TIAM1: variants seen among roughly 807,000 people sequenced by gnomAD.
TIAM1 encodes TIAM Rac1 associated GEF 1, also known as rho guanine nucleotide exchange factor TIAM1.
Under a neutral mutation model 163.5 loss-of-function variants are expected in TIAM1, and 65 were observed. That is an observed-to-expected ratio of 0.40 (90% CI 0.33 to 0.49). The LOEUF is 0.49. TIAM1 is among the 20% of genes least tolerant of loss of function. The pLI is 0.77. For synonymous variants in TIAM1, 833 were observed against 810.1 expected (o/e 1.03, Z -0.48); for missense variants, 1,789 against 2,044.7 (o/e 0.87, Z 2.41).
intron 12 of TIAM1, among the ~76,000 whole-genome samples, chr21:31,198,410 G>A (rs76695967): frequency 0.028 from 4,236 of 152,232 alleles, 220 homozygotes; most frequent in African/African-American, 0.097. Flanking sequence ...CAAATGCAAC[G>A]TGTCAAGGGC....
chr21:31,275,061 G>A (rs2073235924), intron 3 of TIAM1, among the ~76,000 whole-genome samples: 1 of 151,544 alleles, frequency 6.6e-6, no homozygotes, highest in Non-Finnish European at 1.5e-5. Context: ...GGCGGAGACT[G>A]CAGTGAGCCG....
At chr21:31,267,030 C>A in intron 3 of TIAM1, 47 bp from the exon 4 acceptor site, 1 of 1,522,576 alleles carries the variant, frequency 6.6e-7, no homozygotes, top group Non-Finnish European at 8.8e-7. Context: ...ACTATTAGTA[C>A]AGGTATAGGC....
chr21:31,418,332 ACT>A (rs2043445603), intron 2 of TIAM1, among the ~76,000 whole-genome samples: 1 of 120,294 alleles, frequency 8.3e-6, no homozygotes. Context: ...ACAGAGCGAG[ACT>A]CTGTCTCAAA....
chr21:31,531,227 C>A (rs572059263), intron 1 of TIAM1, among the ~76,000 whole-genome samples: 2 of 152,150 alleles, frequency 1.3e-5, no homozygotes, highest in African/African-American at 2.4e-5. Context: ...CCACTGAGCC[C>A]GTGGGTACTC....
At chr21:31,538,441 G>A (rs1157769713) in intron 1 of TIAM1, among the ~76,000 whole-genome samples, 1 of 152,150 alleles carries the variant, frequency 6.6e-6, no homozygotes, top group African/African-American at 2.4e-5. Context: ...TACTCAGGAG[G>A]CTGAGATGGG....
chr21:31,122,495 G>A (rs1021807343), intron 27 of TIAM1, among the ~76,000 whole-genome samples: 6 of 152,148 alleles, frequency 3.9e-5, no homozygotes, highest in African/African-American at 1.2e-4. Context: ...AAAATAAGAT[G>A]AGGTGATGGA....
chr21:31,137,666 C>T (rs539169731), intron 22 of TIAM1, among the ~76,000 whole-genome samples: 108 of 151,902 alleles, frequency 7.1e-4, no homozygotes, highest in African/African-American at 2.5e-3. Context: ...GCACCTCCCA[C>T]TAGACTAGGC....
intron 9 of TIAM1, 81 bp from the exon 10 acceptor site, chr21:31,213,553 C>A (rs2087001066): frequency 6.6e-6 from 8 of 1,216,908 alleles, no homozygotes; most frequent in African/African-American, 1.5e-5. Context: ...AGGAAATGGG[C>A]ATGGCTATGA....
At chr21:31,533,470 G>A (rs1443951453) in intron 1 of TIAM1, among the ~76,000 whole-genome samples, 1 of 152,072 alleles carries the variant, frequency 6.6e-6, no homozygotes, top group African/African-American at 2.4e-5. Context: ...AATTATTCAC[G>A]TGGCTGGGTG....
At chr21:31,487,849 G>A (rs557687798) in intron 1 of TIAM1, among the ~76,000 whole-genome samples, 2 of 152,080 alleles carry the variant, frequency 1.3e-5, no homozygotes, top group East Asian at 1.9e-4. Flanking sequence ...GAGCCACCGC[G>A]CCCGGCCTTT....
At chr21:31,320,082 A>T (rs1391072949) in intron 2 of TIAM1, among the ~76,000 whole-genome samples, 1 of 152,230 alleles carries the variant, frequency 6.6e-6, no homozygotes, top group African/African-American at 2.4e-5. Context: ...AAACATATGT[A>T]TATATACACC....
chr21:31,410,086 A>AGTGT (rs201591169), intron 2 of TIAM1, among the ~76,000 whole-genome samples: 14 of 138,718 alleles, frequency 1.0e-4, no homozygotes, highest in Admixed American at 5.7e-4. Context: ...AGGGCGTAGC[A>AGTGT]GTGTGTGTGT....
At chr21:31,419,100 TG>T (rs2043475957) in intron 2 of TIAM1, among the ~76,000 whole-genome samples, 1 of 152,160 alleles carries the variant, frequency 6.6e-6, no homozygotes, top group Non-Finnish European at 1.5e-5. Context: ...CCTGAGACCC[TG>T]GTAACTAAAC....
chr21:31,363,462 AG>A (rs2076442257), intron 2 of TIAM1, among the ~76,000 whole-genome samples: 2 of 151,740 alleles, frequency 1.3e-5, no homozygotes, highest in Admixed American at 1.3e-4. Flanking sequence ...GTTGTTTTGC[AG>A]GGGTAAGAAG....
chr21:31,152,308 C>A (rs1427380570), intron 19 of TIAM1, among the ~76,000 whole-genome samples: 1 of 152,210 alleles, frequency 6.6e-6, no homozygotes, highest in African/African-American at 2.4e-5. Context: ...GCTGGGATTA[C>A]AGGCGTGAGC....
intron 1 of TIAM1, among the ~76,000 whole-genome samples, chr21:31,546,556 A>AG (rs1556029415): frequency 7.0e-6 from 1 of 143,308 alleles, no homozygotes; most frequent in Non-Finnish European, 1.5e-5. Flanking sequence ...TCTCAAAAAA[A>AG]AAAGAAAGAA....
At chr21:31,317,928 G>A (rs186279971) in intron 2 of TIAM1, among the ~76,000 whole-genome samples, 48 of 152,318 alleles carry the variant, frequency 3.2e-4, no homozygotes, top group African/African-American at 1.0e-3. Context: ...CCCCAACACA[G>A]CAGAGAAGTT....
chr21:31,488,703 C>T (rs2046355882), intron 1 of TIAM1, among the ~76,000 whole-genome samples: 1 of 151,818 alleles, frequency 6.6e-6, no homozygotes, highest in Non-Finnish European at 1.5e-5. Context: ...ACTACCAGAA[C>T]AGTATGAGGG....
At chr21:31,308,916 G>C (rs1055033647) in intron 2 of TIAM1, among the ~76,000 whole-genome samples, 1 of 152,148 alleles carries the variant, frequency 6.6e-6, no homozygotes, top group Non-Finnish European at 1.5e-5. Context: ...TGGGAGTTGG[G>C]GGGGTTAGTG....
Sources: gnomAD v4.1 joint callset for allele counts (sites outside exome capture counted in the v4.1 genomes callset) on GRCh38, gnomAD v4.1.1 for gene constraint, MANE v1.5 for transcripts, NCBI Gene and HGNC (gene_info 2026-07-23, HGNC 2026-07-21) for gene names.